The following PPP1R16B variants were observed in gnomAD, a reference collection of about 807,000 sequenced individuals.
The protein encoded by PPP1R16B is protein phosphatase 1 regulatory inhibitor subunit 16B.
In PPP1R16B, 14 loss-of-function variants were observed where a neutral mutation model predicts 61.7. The observed-to-expected ratio is 0.23, with a 90% CI of 0.15 to 0.35. The LOEUF (loss-of-function observed/expected upper bound fraction) is 0.35. Ranked by LOEUF, PPP1R16B falls within the 10% of genes least tolerant of loss-of-function variation. The probability of loss-of-function intolerance (pLI) is 1.00; values close to 1 mark genes in which losing one functional copy is unlikely to be tolerated. For missense variants in PPP1R16B, 547 were observed against 752.5 expected, an observed-to-expected ratio of 0.73 and a Z score of 3.19; for synonymous variants, 266 against 305.3, an observed-to-expected ratio of 0.87 and a Z score of 1.34.
Position 38,918,518 on chromosome 20 carries a change from C to T in PPP1R16B, c.1556C>T (p.Pro519Leu), listed in dbSNP as rs866564102. The change falls in exon 11 of 11, where the codon CCC becomes CTC. Residue 519 changes from proline (P) to leucine (L), a missense_variant. By Grantham distance (98) the Pro-to-Leu change is moderately conservative. Transcript: ENST00000299824. This position sits in a 1 kb window ranked among gnomAD's most constrained non-coding sequence, Gnocchi z 5.3. Reference protein sequence around the residue: ...TGESSSEGKAPLIGGRTSPYS... With the variant: ...TGESSSEGKALLIGGRTSPYS... ...GAGAGTAGCAGTGAAGGCAAGGCCC[C>T]CTTGATCGGAGGCAGAACTTCACCG... 1.3e-6 allele frequency: 2 copies of T among 1,597,274 alleles called. No homozygotes were observed. The highest frequency in any genetic ancestry group is 1.7e-6 in the Non-Finnish European group (2 of 1,169,432).
intron 2 of PPP1R16B, among the ~76,000 whole-genome samples, chr20:38,885,599 C>G (rs964585770): frequency 6.6e-6 from 1 of 152,138 alleles, no homozygotes; most frequent in African/African-American, 2.4e-5. Flanking sequence ...CAGAGAGGCC[C>G]GGTGCCAAAT....
rs142363069 is a variant in PPP1R16B at position 38,906,171 on chromosome 20, G to T, written c.822+77G>T. 1.8e-4 allele frequency: 267 copies of T among 1,474,182 alleles called. No individual in the cohort carries two copies. The African/African-American group carries it at 3.3e-3, about 18-fold the overall frequency. 91.3% of individuals were successfully genotyped at this position (1,474,182 alleles called of 1,614,324 possible). On this transcript the variant is annotated intron_variant, in intron 7 of 10. Transcript: ENST00000299824. Reference sequence around the variant, plus strand: ...TGACACCAAGTTTTTTGGGCTGGCAGTTGTTTTCAAAGAACATAAGACTTT... The same window carrying T: ...TGACACCAAGTTTTTTGGGCTGGCATTTGTTTTCAAAGAACATAAGACTTT...
chr20:38,845,842 G>A (rs995460367), intron 2 of PPP1R16B, among the ~76,000 whole-genome samples: 2 of 152,206 alleles, frequency 1.3e-5, no homozygotes, highest in African/African-American at 4.8e-5. Flanking sequence ...GATTTTCCTG[G>A]TTGCTGAGTG....
At chr20:38,860,008 T>C (rs6028168) in intron 2 of PPP1R16B, among the ~76,000 whole-genome samples, 3,093 of 152,262 alleles carry the variant, frequency 0.02, 37 homozygotes, top group African/African-American at 0.033. Context: ...AGTTTCACCC[T>C]TGTCACCCAG....
intron 5 of PPP1R16B, 90 bp downstream of exon 5, chr20:38,900,774 G>C: frequency 1.0e-6 from 1 of 965,224 alleles, no homozygotes; most frequent in Non-Finnish European, 1.5e-6. Flanking sequence ...GATTAGCTAC[G>C]CATCGGCCTG....
chr20:38,851,959 T>C (rs906771342), intron 2 of PPP1R16B, among the ~76,000 whole-genome samples: 2 of 151,894 alleles, frequency 1.3e-5, no homozygotes, highest in Admixed American at 6.6e-5. Context: ...CTTAAGCCCA[T>C]GTGGGCAAGG....
At chr20:38,900,478 C>T (rs1241756720) in intron 4 of PPP1R16B, 103 bp from the exon 5 acceptor site, 10 of 823,572 alleles carry the variant, frequency 1.2e-5, no homozygotes, top group Admixed American at 3.0e-5. Flanking sequence ...TTTTGAGTGC[C>T]GGGTTGTACA....
Position 38,918,803 on chromosome 20 carries a change from C to A in PPP1R16B, c.*137C>A. 3 of 1,090,310 alleles carry A rather than the reference C, an allele frequency of 2.8e-6. No homozygotes were observed. Among genetic ancestry groups the A allele is most frequent in the Non-Finnish European group, 2.4e-6 (2 of 823,010 alleles). The allele number at this position is 1,090,310 out of a possible 1,614,324, so 67.5% of individuals were successfully genotyped here. ...CTTTTCAGAGGAACTCAGACCCCAG[C>A]CCTCAGCTGGCTGCCCATAGCATCC... On this transcript the variant is annotated 3_prime_UTR_variant, in exon 11 of 11. Transcript: ENST00000299824. This position sits in a 1 kb window ranked among gnomAD's most constrained non-coding sequence, Gnocchi z 5.3.
At chr20:38,810,737 A>G (rs922729034) in intron 1 of PPP1R16B, among the ~76,000 whole-genome samples, 2 of 152,066 alleles carry the variant, frequency 1.3e-5, no homozygotes, top group Non-Finnish European at 2.9e-5. Flanking sequence ...GAATTCTCAT[A>G]CCAATCCGTT....
chr20:38,828,315 C>A (rs2084816471), intron 1 of PPP1R16B, among the ~76,000 whole-genome samples: 2 of 152,158 alleles, frequency 1.3e-5, no homozygotes, highest in South Asian at 4.1e-4. Context: ...CAAGAAATAA[C>A]CATTGTAAGG....
At chr20:38,855,979 G>GAGAGA (rs1464401098) in intron 2 of PPP1R16B, among the ~76,000 whole-genome samples, 1 of 58,792 alleles carries the variant, frequency 1.7e-5, no homozygotes, top group Non-Finnish European at 3.5e-5. Flanking sequence ...GAGAGAGAGA[G>GAGAGA]AGAAGGAGGA....
At chr20:38,888,240 G>A in intron 2 of PPP1R16B, among the ~76,000 whole-genome samples, 1 of 152,208 alleles carries the variant, frequency 6.6e-6, no homozygotes. Context: ...GGGGTGGGAG[G>A]AGGCTCAGAG....
At chr20:38,899,954 C>A (rs987292676) in intron 4 of PPP1R16B, among the ~76,000 whole-genome samples, 4 of 152,124 alleles carry the variant, frequency 2.6e-5, no homozygotes, top group African/African-American at 9.7e-5. Context: ...CCACACCACG[C>A]CCCGCTAATT....
intron 2 of PPP1R16B, among the ~76,000 whole-genome samples, chr20:38,887,203 G>A (rs1391703286): frequency 6.6e-6 from 1 of 152,242 alleles, no homozygotes; most frequent in Non-Finnish European, 1.5e-5. Flanking sequence ...GCCACAAGAA[G>A]TGATGTGACT....
chr20:38,918,687 G>A lies in PPP1R16B; in HGVS notation c.*21G>A, dbSNP rs1054938469. ...CCTAGTCTCCGTGTGATGGAGGAGG[G>A]AGATGCCTGGGGAGGGGCTCCTGGA... On this transcript the variant is annotated 3_prime_UTR_variant, in exon 11 of 11. Coordinates refer to ENST00000299824, the MANE Select transcript of PPP1R16B (RefSeq NM_015568.4). The surrounding 1 kb of genome is among the most constrained non-coding windows in gnomAD (Gnocchi z 5.3). 2 of 1,494,604 alleles carry A rather than the reference G, an allele frequency of 1.3e-6. No homozygotes were observed. The highest frequency in any genetic ancestry group is 1.8e-6 in the Non-Finnish European group (2 of 1,125,814). 92.6% of individuals were successfully genotyped at this position (1,494,604 alleles called of 1,614,324 possible). A position where few individuals can be genotyped will look rare whatever the true frequency, so the allele number is the denominator to read the frequency against.
At chr20:38,899,790 T>A (rs1449196992) in intron 4 of PPP1R16B, among the ~76,000 whole-genome samples, 1 of 151,924 alleles carries the variant, frequency 6.6e-6, no homozygotes, top group African/African-American at 2.4e-5. Context: ...ACCGAACCTG[T>A]CTGAGTCTTT....
intron 2 of PPP1R16B, among the ~76,000 whole-genome samples, chr20:38,866,427 T>A (rs1042502404): frequency 6.6e-6 from 1 of 152,202 alleles, no homozygotes; most frequent in African/African-American, 2.4e-5. Flanking sequence ...GCAATGTGGA[T>A]GACACAGAAT....
intron 1 of PPP1R16B, among the ~76,000 whole-genome samples, chr20:38,827,288 C>T (rs1049818990): frequency 3.4e-4 from 51 of 152,210 alleles, no homozygotes; most frequent in African/African-American, 1.2e-3. Flanking sequence ...ATGGCCCAGC[C>T]AGTTCAGACA....
chr20:38,901,747 A>T (rs957012726), intron 5 of PPP1R16B, among the ~76,000 whole-genome samples: 1 of 152,234 alleles, frequency 6.6e-6, no homozygotes, highest in Non-Finnish European at 1.5e-5. Flanking sequence ...AAAGTATAGG[A>T]TTATAAAGGA....
Sources: gnomAD v4.1 joint callset for allele counts (sites outside exome capture counted in the v4.1 genomes callset) on GRCh38, gnomAD v4.1.1 for gene constraint, Gnocchi (gnomAD v3.1) non-coding constraint, MANE v1.5 for transcripts, NCBI Gene and HGNC (gene_info 2026-07-23, HGNC 2026-07-21) for gene names.